Variants in VPS37A observed in about 807,000 individuals in gnomAD.
VPS37A encodes VPS37A subunit of ESCRT-I, also known as vacuolar protein sorting-associated protein 37A.
In VPS37A, 30 loss-of-function variants were observed where a neutral mutation model predicts 49.8. The ratio of observed to expected loss-of-function variants is 0.60; its 90% CI spans 0.45 to 0.82. VPS37A has a LOEUF of 0.82. VPS37A is among the 40% of genes least tolerant of loss of function. The pLI is 0.00. For missense variants in VPS37A, 593 were observed against 464.4 expected (o/e 1.28, Z -2.55); for synonymous variants, 195 against 160.6 (o/e 1.21, Z -1.62).
At chr8:17,313,857 C>T in the VPS37A span, among the ~76,000 whole-genome samples, 1 of 152,188 alleles carries the variant, frequency 6.6e-6, no homozygotes, top group African/African-American at 2.4e-5. Flanking sequence ...GTTGTAAAAA[C>T]ACAAGACAGA....
chr8:17,262,026 C>A (rs1252297763), intron 1 of VPS37A, among the ~76,000 whole-genome samples: 1 of 152,118 alleles, frequency 6.6e-6, no homozygotes, highest in African/African-American at 2.4e-5. Context: ...GGTGGGAAAG[C>A]CGATTGTTCA....
intron 4 of VPS37A, among the ~76,000 whole-genome samples, chr8:17,272,795 A>G (rs564481933): frequency 5.9e-5 from 9 of 152,226 alleles, no homozygotes; most frequent in African/African-American, 1.9e-4. Flanking sequence ...TAGGGGTCAT[A>G]TATTCACCTG....
intron 6 of VPS37A, among the ~76,000 whole-genome samples, chr8:17,277,727 C>G (rs979065494): frequency 1.3e-5 from 2 of 151,978 alleles, no homozygotes; most frequent in African/African-American, 4.8e-5. Flanking sequence ...TCTCCAGTGT[C>G]TTAATAATTA....
At chr8:17,303,006 T>C (rs550454711), downstream of VPS37A, among the ~76,000 whole-genome samples, 632 of 152,166 alleles carry the variant, frequency 4.2e-3, 3 homozygotes, top group African/African-American at 0.014. Flanking sequence ...CCACCACGCC[T>C]GACCAATAAA....
intron 1 of VPS37A, among the ~76,000 whole-genome samples, chr8:17,258,076 A>G (rs1203425541): frequency 2.0e-5 from 3 of 152,124 alleles, no homozygotes; most frequent in Non-Finnish European, 4.4e-5. Flanking sequence ...TTCCAGTCGT[A>G]ACATTGTGTC....
chr8:17,260,334 A>C (rs1358442386), intron 1 of VPS37A, among the ~76,000 whole-genome samples: 2 of 152,180 alleles, frequency 1.3e-5, no homozygotes, highest in East Asian at 3.8e-4. Context: ...AAACAAAAAT[A>C]TTTATGCCTT....
At chr8:17,264,738 A>G (rs1484959175) in intron 1 of VPS37A, among the ~76,000 whole-genome samples, 1 of 152,220 alleles carries the variant, frequency 6.6e-6, no homozygotes, top group Non-Finnish European at 1.5e-5. Context: ...TTTGAAGGGT[A>G]TTCATGCTTG....
chr8:17,288,014 A>G (rs964969128), intron 11 of VPS37A, among the ~76,000 whole-genome samples: 3 of 152,182 alleles, frequency 2.0e-5, no homozygotes, highest in African/African-American at 7.2e-5. Context: ...TCCTTGTAAC[A>G]TTAGTGCTCA....
At chr8:17,306,099 A>G, downstream of VPS37A, 1 of 688,088 alleles carries the variant, frequency 1.5e-6, no homozygotes, top group Non-Finnish European at 2.3e-6. Flanking sequence ...AAAAGGTAGA[A>G]AAGTTAAGAT....
intron 9 of VPS37A, among the ~76,000 whole-genome samples, chr8:17,282,144 C>G (rs1452257471): frequency 1.3e-5 from 2 of 151,876 alleles, no homozygotes; most frequent in African/African-American, 4.8e-5. Flanking sequence ...TCAGAATACA[C>G]TGTAAATCCT....
chr8:17,257,102 T>A (rs1047803010), intron 1 of VPS37A, among the ~76,000 whole-genome samples: 3 of 152,216 alleles, frequency 2.0e-5, no homozygotes, highest in Non-Finnish European at 2.9e-5. Context: ...TTGATTTTTG[T>A]GTATGGTAAG....
intron 4 of VPS37A, among the ~76,000 whole-genome samples, chr8:17,270,477 G>A (rs1813872339): frequency 6.6e-6 from 1 of 152,148 alleles, no homozygotes; most frequent in Non-Finnish European, 1.5e-5. Flanking sequence ...CGTGGCAGGG[G>A]TGAGATCTGA....
chr8:17,309,750 C>T, the VPS37A span, among the ~76,000 whole-genome samples: 1 of 152,184 alleles, frequency 6.6e-6, no homozygotes, highest in South Asian at 2.1e-4. Context: ...ACTTCAAACC[C>T]TATCTCAACC....
chr8:17,315,801 A>C, the VPS37A span, among the ~76,000 whole-genome samples: 6 of 152,234 alleles, frequency 3.9e-5, no homozygotes, highest in Admixed American at 1.3e-4. Context: ...CATTTGAGTC[A>C]AGGAGTTCAA....
At chr8:17,263,811 C>T (rs908979580) in intron 1 of VPS37A, among the ~76,000 whole-genome samples, 2 of 152,000 alleles carry the variant, frequency 1.3e-5, no homozygotes, top group African/African-American at 4.8e-5. Context: ...TGTGGTGGCA[C>T]ACACCTGTAG....
intron 1 of VPS37A, among the ~76,000 whole-genome samples, chr8:17,265,119 C>T (rs1813324803): frequency 6.6e-6 from 1 of 152,164 alleles, no homozygotes; most frequent in African/African-American, 2.4e-5. Context: ...TTCTTTCTGC[C>T]TAGCTTTCCT....
At chr8:17,307,210 CAA>C (rs1352809402), downstream of VPS37A, among the ~76,000 whole-genome samples, 10 of 152,122 alleles carry the variant, frequency 6.6e-5, no homozygotes, top group African/African-American at 2.4e-4. Flanking sequence ...ACAACCCCAT[CAA>C]AAAGTGGGCA....
At chr8:17,281,683 G>T (rs930034473) in intron 9 of VPS37A, among the ~76,000 whole-genome samples, 2 of 151,896 alleles carry the variant, frequency 1.3e-5, no homozygotes, top group African/African-American at 4.8e-5. Flanking sequence ...AAGAAGAAAT[G>T]AAACAGTTGT....
the VPS37A span, among the ~76,000 whole-genome samples, chr8:17,323,076 T>C: frequency 6.6e-6 from 1 of 150,778 alleles, no homozygotes; most frequent in African/African-American, 2.4e-5. Context: ...GCCTCCTGAG[T>C]AGCTGGGACT....
Sources: allele counts gnomAD v4.1 joint callset (sites outside exome capture counted in the v4.1 genomes callset), GRCh38; gene constraint gnomAD v4.1.1; transcripts MANE v1.5; gene names NCBI Gene and HGNC (gene_info 2026-07-23, HGNC 2026-07-21).